NTM: variants seen among roughly 807,000 people sequenced by gnomAD.
The protein encoded by NTM is IgLON family member 2.
NTM carries 13 observed loss-of-function variants against 42.1 expected under a neutral mutation model. The ratio of observed to expected loss-of-function variants is 0.31; its 90% CI spans 0.20 to 0.49. The LOEUF is 0.49. Ranked by LOEUF, NTM falls within the 20% of genes least tolerant of loss-of-function variation. The probability of loss-of-function intolerance (pLI) is 0.99; values close to 1 mark genes in which losing one functional copy is unlikely to be tolerated. For synonymous variants in NTM, 187 were observed against 179.2 expected, an observed-to-expected ratio of 1.04 and a Z score of -0.35; for missense variants, 373 against 452.8, an observed-to-expected ratio of 0.82 and a Z score of 1.60.
intron 7 of NTM, among the ~76,000 whole-genome samples, chr11:132,320,757 TG>T (rs1298042594): frequency 6.6e-6 from 1 of 151,810 alleles, no homozygotes; most frequent in Non-Finnish European, 1.5e-5. Flanking sequence ...CAGTAACCTC[TG>T]CAGACTTAAA....
At chr11:132,229,211 C>T (rs1335363664) in intron 4 of NTM, among the ~76,000 whole-genome samples, 1 of 151,966 alleles carries the variant, frequency 6.6e-6, no homozygotes, top group Non-Finnish European at 1.5e-5. Context: ...TTGAGAACTC[C>T]TCATTTTTCT....
At position 131,838,755 on chromosome 11, in the gene NTM, T is replaced by C. The variant is rs568332491; in HGVS notation, c.83-72809T>C. On this transcript the variant is annotated intron_variant, in intron 1 of 8. Coordinates refer to ENST00000683400, the MANE Select transcript of NTM (RefSeq NM_001352005.2). ...TTATTAGGTTTTGAAAAGAATAGAA[T>C]ATAAACTATAGAATAAGAATACAAA... is the stretch of plus-strand genomic sequence containing the variant. Among the ~76,000 whole-genome samples, 125 of 152,158 alleles carry C rather than the reference T, an allele frequency of 8.2e-4. 1 individual carries two copies. In the South Asian group the frequency reaches 0.025, roughly 30 times the overall value.
intron 2 of NTM, among the ~76,000 whole-genome samples, chr11:132,126,750 G>C (rs576128962): frequency 6.6e-6 from 1 of 152,276 alleles, no homozygotes; most frequent in East Asian, 1.9e-4. Context: ...GAGAAGGAGG[G>C]AAGAAGCCTC....
intron 2 of NTM, among the ~76,000 whole-genome samples, chr11:131,930,923 C>A (rs1220007960): frequency 1.3e-5 from 2 of 152,102 alleles, no homozygotes; most frequent in Admixed American, 6.5e-5. Context: ...GGTCTACAAC[C>A]CATCAGTCAG....
chr11:131,622,411 C>T (rs1010078481), intron 1 of NTM, among the ~76,000 whole-genome samples: 4 of 152,164 alleles, frequency 2.6e-5, no homozygotes, highest in African/African-American at 7.2e-5. Context: ...CAGGGACAGC[C>T]GCTCATTTGT....
chr11:132,197,305 G>C (rs1203721382), intron 3 of NTM, among the ~76,000 whole-genome samples: 7 of 152,082 alleles, frequency 4.6e-5, no homozygotes, highest in Admixed American at 2.6e-4. Flanking sequence ...TACCTCCTGG[G>C]ATTTGGTTAC....
intron 1 of NTM, among the ~76,000 whole-genome samples, chr11:131,872,770 C>G (rs116447849): frequency 6.6e-6 from 1 of 152,268 alleles, no homozygotes; most frequent in African/African-American, 2.4e-5. Flanking sequence ...TAGTATCATA[C>G]TGTGGGGTAA....
chr11:131,716,112 A>AG (rs1441061615), intron 1 of NTM, among the ~76,000 whole-genome samples: 2 of 152,216 alleles, frequency 1.3e-5, no homozygotes, highest in South Asian at 4.1e-4. Context: ...ACTTACGGTG[A>AG]GGACCCACTT....
chr11:132,231,785 A>G (rs1233934842), intron 4 of NTM, among the ~76,000 whole-genome samples: 3 of 152,212 alleles, frequency 2.0e-5, no homozygotes, highest in Non-Finnish European at 2.9e-5. Context: ...TCCTACTTCC[A>G]TAAGAAAGTA....
Position 132,042,618 on chromosome 11 carries a change from C to T in NTM, c.168-103664C>T, listed in dbSNP as rs998893221. ...TCCAAGAAGACAAAGAGCCTTTGAG[C>T]TTAGAGCTGGGAACACAAAATTGGG... On this transcript the variant is annotated intron_variant, in intron 2 of 8. Transcript: ENST00000683400. Among the ~76,000 whole-genome samples the T allele has an allele frequency of 5.3e-5, 8 of 152,266 alleles. No homozygotes were observed. In the South Asian group the frequency reaches 1.5e-3, roughly 28 times the overall value.
chr11:131,789,636 A>AAAGAAG (rs374898394), intron 1 of NTM, among the ~76,000 whole-genome samples: 1 of 30,902 alleles, frequency 3.2e-5, no homozygotes, highest in African/African-American at 1.2e-4. Context: ...AAGAAGAAGA[A>AAAGAAG]AAGAAGAAGA....
At chr11:131,881,509 C>CACACACA (rs372489485) in intron 1 of NTM, among the ~76,000 whole-genome samples, 9 of 145,672 alleles carry the variant, frequency 6.2e-5, no homozygotes, top group Non-Finnish European at 7.6e-5. Context: ...CACACACACA[C>CACACACA]CCCCCAAAGC....
chr11:131,468,040 GT>G (rs1952061509), intron 1 of NTM, among the ~76,000 whole-genome samples: 1 of 152,244 alleles, frequency 6.6e-6, no homozygotes, highest in Non-Finnish European at 1.5e-5. Context: ...GAAGAGTGCA[GT>G]GGGGGAAAGG....
chr11:132,034,487 G>T (rs1330011212), intron 2 of NTM, among the ~76,000 whole-genome samples: 2 of 152,224 alleles, frequency 1.3e-5, no homozygotes, highest in Non-Finnish European at 2.9e-5. Flanking sequence ...AGATTAGCAG[G>T]TCAGAAGCTA....
chr11:131,592,681 CA>C (rs1472758631), intron 1 of NTM, among the ~76,000 whole-genome samples: 15 of 140,454 alleles, frequency 1.1e-4, no homozygotes, highest in East Asian at 8.1e-4. Flanking sequence ...CACACACACA[CA>C]CACACCATAG....
At chr11:131,718,419 T>G (rs901443797) in intron 1 of NTM, among the ~76,000 whole-genome samples, 1 of 152,166 alleles carries the variant, frequency 6.6e-6, no homozygotes, top group African/African-American at 2.4e-5. Flanking sequence ...TTTGGTGAGA[T>G]CAGAACAATG....
chr11:131,429,736 C>T (rs1261127840), intron 1 of NTM, among the ~76,000 whole-genome samples: 2 of 152,152 alleles, frequency 1.3e-5, no homozygotes, highest in African/African-American at 4.8e-5. Context: ...GTCTCCATAT[C>T]ACCAGGGTTT....
chr11:132,320,449 G>A lies in NTM; in HGVS notation c.934+5746G>A, dbSNP rs149030269. On this transcript the variant is annotated intron_variant, in intron 7 of 8. Transcript: ENST00000683400. ...CTGGAAAATCGGGTCACTCCCACCC[G>A]AATACTGCGCTTTTCCGACGGGCTT... Among the ~76,000 whole-genome samples, 369 of 152,294 alleles carry A rather than the reference G, an allele frequency of 2.4e-3. 5 individuals are homozygous for A. The East Asian group carries it at 0.037, about 15-fold the overall frequency.
intron 2 of NTM, among the ~76,000 whole-genome samples, chr11:132,020,360 T>G (rs1387648316): frequency 6.6e-6 from 1 of 152,142 alleles, no homozygotes; most frequent in Non-Finnish European, 1.5e-5. Flanking sequence ...TGGATTTACA[T>G]TTGACATTTT....
Sources: allele counts gnomAD v4.1 joint callset (sites outside exome capture counted in the v4.1 genomes callset), GRCh38; gene constraint gnomAD v4.1.1; transcripts MANE v1.5; gene names NCBI Gene and HGNC (gene_info 2026-07-23, HGNC 2026-07-21).